Variants in THNSL1 observed in about 807,000 individuals in gnomAD.
THNSL1 encodes threonine synthase like 1, also known as threonine synthase-like 1.
THNSL1 carries 48 observed loss-of-function variants against 50.4 expected under a neutral mutation model. The ratio of observed to expected loss-of-function variants is 0.95; its 90% CI spans 0.76 to 1.21. THNSL1 has a LOEUF of 1.21. Ranked by LOEUF, THNSL1 falls within the 50% of genes most tolerant of loss-of-function variation. The pLI is 0.00. For synonymous variants in THNSL1, 309 were observed against 306.1 expected (o/e 1.01, Z -0.10); for missense variants, 896 against 871.7 (o/e 1.03, Z -0.35).
At chr10:24,987,018 A>G in the THNSL1 span, among the ~76,000 whole-genome samples, 2 of 152,100 alleles carry the variant, frequency 1.3e-5, no homozygotes, top group Admixed American at 1.3e-4. Context: ...CCCACCCCCA[A>G]ACATTCTCCA....
intron 1 of THNSL1, among the ~76,000 whole-genome samples, chr10:25,021,185 T>A (rs1167363093): frequency 6.6e-6 from 1 of 152,196 alleles, no homozygotes; most frequent in Non-Finnish European, 1.5e-5. Context: ...TGTCAGTGAG[T>A]GACAATGATT....
At chr10:24,994,581 G>A in the THNSL1 span, among the ~76,000 whole-genome samples, 5 of 151,914 alleles carry the variant, frequency 3.3e-5, no homozygotes, top group Non-Finnish European at 2.9e-5. Flanking sequence ...CAATCCTCCT[G>A]GCCTTCTAAA....
chr10:25,012,362 C>T (rs1443098500), upstream of THNSL1, among the ~76,000 whole-genome samples: 1 of 152,188 alleles, frequency 6.6e-6, no homozygotes, highest in African/African-American at 2.4e-5. Flanking sequence ...GTTCTCCAGA[C>T]CTCAGAATGG....
At chr10:25,003,197 CATTT>C in the THNSL1 span, among the ~76,000 whole-genome samples, 1 of 146,172 alleles carries the variant, frequency 6.8e-6, no homozygotes, top group Non-Finnish European at 1.5e-5. Context: ...TTTATTTATT[CATTT>C]ATTTTTTGCC....
upstream of THNSL1, among the ~76,000 whole-genome samples, chr10:25,014,775 A>G (rs1431877567): frequency 1.3e-5 from 2 of 152,314 alleles, no homozygotes; most frequent in South Asian, 4.1e-4. Context: ...CTAGATGTTG[A>G]TATGCTAATG....
At chr10:24,996,620 A>G in the THNSL1 span, among the ~76,000 whole-genome samples, 44 of 152,212 alleles carry the variant, frequency 2.9e-4, 2 homozygotes. Context: ...TATTTTTAAG[A>G]ACTGAAAGCA....
Position 25,024,327 on chromosome 10 carries a change from A to G in THNSL1, c.1104A>G (p.Pro368=), listed in dbSNP as rs747459713. 6.8e-6 allele frequency: 11 copies of G among 1,614,076 alleles called. No individual in the cohort carries two copies. The highest frequency in any genetic ancestry group is 1.6e-4 in the Middle Eastern group (1 of 6,084). The part of the protein sequence containing the change: ...MPHIFAHCIP[P]SCNYMILVAT... Reference sequence around the variant, plus strand: ...ATATTTTTGCACACTGTATCCCACCAAGTTGCAATTATATGATACTTGTAG... The same window carrying G: ...ATATTTTTGCACACTGTATCCCACCGAGTTGCAATTATATGATACTTGTAG... The change falls in exon 3 of 3, where the codon CCA becomes CCG. Residue 368 remains proline, a synonymous_variant. Transcript: ENST00000376356.
At chr10:24,960,530 G>A in the THNSL1 span, among the ~76,000 whole-genome samples, 19 of 151,944 alleles carry the variant, frequency 1.3e-4, no homozygotes, top group African/African-American at 2.2e-4. Flanking sequence ...GAGTTCAAGC[G>A]ATTCTCCTGC....
At chr10:25,015,411 A>G (rs182419998), upstream of THNSL1, among the ~76,000 whole-genome samples, 7 of 152,346 alleles carry the variant, frequency 4.6e-5, no homozygotes, top group East Asian at 1.2e-3. Flanking sequence ...TTTCATAAAA[A>G]TCTTGGGGGA....
the THNSL1 span, among the ~76,000 whole-genome samples, chr10:24,993,850 G>A: frequency 6.6e-6 from 1 of 152,174 alleles, no homozygotes; most frequent in African/African-American, 2.4e-5. Flanking sequence ...AGAAGGGAGG[G>A]GCAGAGTGTG....
the THNSL1 span, among the ~76,000 whole-genome samples, chr10:24,968,564 C>A: frequency 2.8e-4 from 42 of 152,268 alleles, no homozygotes; most frequent in African/African-American, 9.6e-4. Flanking sequence ...CCGCTGCACA[C>A]CCACGACTTT....
chr10:25,023,406 G>T lies in THNSL1; in HGVS notation c.183G>T (p.Met61Ile), dbSNP rs1377755484. 1.2e-6 allele frequency: 2 copies of T among 1,614,100 alleles called. No individual in the cohort carries two copies. The highest frequency in any genetic ancestry group is 4.5e-5 in the East Asian group (2 of 44,872). Residue 61 changes from methionine (M) to isoleucine (I), a missense_variant, in exon 3 of 3, where the codon ATG becomes ATT. By Grantham distance (10) the Met-to-Ile change is conservative. Coordinates refer to ENST00000376356, the MANE Select transcript of THNSL1 (RefSeq NM_024838.5). ...TTGGAGACAAAAATATTATCCTGAT[G>T]GGACCTCCTGGTGCTGGGAAAACAA... ...SLVGDKNIILMGPPGAGKTTV... is the reference protein window; with the variant it reads ...SLVGDKNIILIGPPGAGKTTV...
At chr10:24,972,683 A>T in the THNSL1 span, among the ~76,000 whole-genome samples, 3 of 152,264 alleles carry the variant, frequency 2.0e-5, no homozygotes, top group South Asian at 6.2e-4. Context: ...GCAGATGAGG[A>T]GTTGGTAGCT....
chr10:25,023,698 C>T lies in THNSL1; in HGVS notation c.475C>T (p.Leu159=). 1 of 1,613,956 alleles carries T rather than the reference C, an allele frequency of 6.2e-7. No homozygotes were observed. The highest frequency in any genetic ancestry group is 8.5e-7 in the Non-Finnish European group (1 of 1,179,998). ...GIIVYLDVPL[L]DLICRLKLMK... ...AATTGTATACCTGGATGTACCTCTA[C>T]TAGATCTAATTTGTCGTCTAAAATT... The change falls in exon 3 of 3, where the codon CTA becomes TTA. Residue 159 remains leucine (L), a synonymous_variant. Coordinates refer to ENST00000376356, the MANE Select transcript of THNSL1 (RefSeq NM_024838.5).
chr10:25,025,299 C>CT lies in THNSL1; in HGVS notation c.2077dup (p.Tyr693LeufsTer14). 2 of 1,614,180 alleles carry CT rather than the reference C, an allele frequency of 1.2e-6. No individual in the cohort carries two copies. The highest frequency in any genetic ancestry group is 1.7e-6 in the Non-Finnish European group (2 of 1,180,036). ...TCAATGAGACTTCATCAAGTCAGCTCTATTTGCTGGGTTCATACAATGCAT... is the reference window on the plus strand; with the variant it reads ...TCAATGAGACTTCATCAAGTCAGCTCTTATTTGCTGGGTTCATACAATGCAT... On this transcript the variant is annotated frameshift_variant, in exon 3 of 3. Transcript: ENST00000376356. LOFTEE classifies it high-confidence loss of function.
At chr10:24,968,856 G>A in the THNSL1 span, among the ~76,000 whole-genome samples, 7 of 152,142 alleles carry the variant, frequency 4.6e-5, no homozygotes, top group Admixed American at 1.3e-4. Context: ...CACTCACTCC[G>A]CCTCTATTTT....
At chr10:24,980,602 T>C in the THNSL1 span, among the ~76,000 whole-genome samples, 3 of 152,202 alleles carry the variant, frequency 2.0e-5, no homozygotes. Flanking sequence ...TGGCAGATAG[T>C]CAATATGGGT....
the THNSL1 span, chr10:24,984,916 TC>T: frequency 6.2e-7 from 1 of 1,606,878 alleles, no homozygotes; most frequent in Non-Finnish European, 8.5e-7. Context: ...CTGCAAATGG[TC>T]AAGAAACTTG....
the THNSL1 span, among the ~76,000 whole-genome samples, chr10:24,963,704 A>G: frequency 1.3e-5 from 2 of 152,252 alleles, no homozygotes; most frequent in Non-Finnish European, 2.9e-5. Flanking sequence ...ACCATGAAAA[A>G]TGATGTAAAA....
Sources: allele counts gnomAD v4.1 joint callset (sites outside exome capture counted in the v4.1 genomes callset), GRCh38; gene constraint gnomAD v4.1.1; transcripts MANE v1.5; gene names NCBI Gene and HGNC (gene_info 2026-07-23, HGNC 2026-07-21).